FRAS1: variants seen among roughly 807,000 people sequenced by gnomAD.
FRAS1 encodes extracellular matrix organizing protein FRAS1.
In FRAS1, 290 loss-of-function variants were observed where a neutral mutation model predicts 435.2. The ratio of observed to expected loss-of-function variants is 0.67; its 90% CI spans 0.61 to 0.73. The LOEUF (loss-of-function observed/expected upper bound fraction) is 0.73. Among genes scored for constraint, FRAS1 ranks in the 30% least tolerant of loss-of-function variants. The pLI, the probability that FRAS1 is intolerant of heterozygous loss-of-function variation, is 0.00. For missense variants in FRAS1, 4,860 were observed against 5,001.5 expected (o/e 0.97, Z 0.85); for synonymous variants, 1,800 against 1,851.0 (o/e 0.97, Z 0.71).
intron 2 of FRAS1, among the ~76,000 whole-genome samples, chr4:78,147,660 C>A (rs1202111153): frequency 1.3e-5 from 2 of 152,132 alleles, no homozygotes; most frequent in Non-Finnish European, 2.9e-5. Flanking sequence ...CACTTTCTAG[C>A]TATGTTTTCT....
chr4:78,254,387 A>G (rs999105433), intron 5 of FRAS1, among the ~76,000 whole-genome samples: 11 of 152,144 alleles, frequency 7.2e-5, no homozygotes, highest in Admixed American at 3.3e-4. Flanking sequence ...GCAATCCTTT[A>G]TTTACACTGG....
At position 78,237,549 on chromosome 4, in the gene FRAS1, C is replaced by T. The variant is rs748957049; in HGVS notation, c.148C>T (p.Arg50Cys). ...IWKPDSCQSC[R>C]CHGDIVICKP... ...GAAGCCCGATTCATGCCAGAGCTGCCGTTGCCATGGTGATATTGTTATCTG... is the reference window on the plus strand; with the variant it reads ...GAAGCCCGATTCATGCCAGAGCTGCTGTTGCCATGGTGATATTGTTATCTG... The change falls in exon 3 of 74, where the codon CGT (arginine) becomes TGT (cysteine). Residue 50 changes from arginine to cysteine, a missense_variant. Transcript: ENST00000512123. 1.4e-5 allele frequency: 23 copies of T among 1,613,118 alleles called. No homozygotes were observed. Among genetic ancestry groups the T allele is most frequent in the East Asian group, 6.7e-5 (3 of 44,854 alleles).
At chr4:78,406,127 C>T (rs574992336) in intron 30 of FRAS1, among the ~76,000 whole-genome samples, 1 of 152,256 alleles carries the variant, frequency 6.6e-6, no homozygotes, top group South Asian at 2.1e-4. Context: ...GGTACATGTT[C>T]ACAAAATAAT....
intron 2 of FRAS1, among the ~76,000 whole-genome samples, chr4:78,173,349 G>A (rs1168539182): frequency 6.6e-6 from 1 of 152,166 alleles, no homozygotes; most frequent in Non-Finnish European, 1.5e-5. Context: ...TGAAACATTG[G>A]GATCTATCCT....
At chr4:78,439,169 C>G (rs1437443869) in intron 40 of FRAS1, 105 bp downstream of exon 40, 1 of 920,110 alleles carries the variant, frequency 1.1e-6, no homozygotes, top group Non-Finnish European at 1.7e-6. Flanking sequence ...AATATTTCCC[C>G]CAAAATATCC....
intron 60 of FRAS1, 112 bp from the exon 61 acceptor site, chr4:78,499,609 C>G: frequency 4.0e-6 from 4 of 992,672 alleles, no homozygotes; most frequent in Non-Finnish European, 6.0e-6. Flanking sequence ...TGCCTTCATA[C>G]TGTTAACTAA....
intron 15 of FRAS1, among the ~76,000 whole-genome samples, chr4:78,312,839 G>GA (rs1465231700): frequency 8.2e-6 from 1 of 121,246 alleles, no homozygotes; most frequent in Non-Finnish European, 1.7e-5. Context: ...CTGAAAGAAA[G>GA]AAAAAGAAAG....
At chr4:78,391,641 T>C (rs148559689) in intron 29 of FRAS1, among the ~76,000 whole-genome samples, 1,970 of 152,310 alleles carry the variant, frequency 0.013, 36 homozygotes, top group Admixed American at 0.057. Context: ...CTTTCTGAAC[T>C]TCTTTGTTAC....
In FRAS1 at chr4:78,363,536, T is replaced by C; in HGVS notation, c.2446T>C (p.Cys816Arg). 6.2e-7 allele frequency: 1 copy of C among 1,613,400 alleles called. No homozygotes were observed. The highest frequency in any genetic ancestry group is 8.5e-7 in the Non-Finnish European group (1 of 1,179,646). ...AGACTGCCATCACCTGTGCCAGCAC[T>C]GTGCAGCTGATCTCCACAACACTGG... ...CADCHHLCQH[C>R]AADLHNTGSI... The change falls in exon 21 of 74, where the codon TGT becomes CGT. Residue 816 changes from cysteine to arginine, a missense_variant. Physicochemically the swap from Cys to Arg is radical, Grantham distance 180. Transcript: ENST00000512123.
chr4:78,248,244 T>G (rs1159504662), intron 4 of FRAS1, among the ~76,000 whole-genome samples: 2 of 152,358 alleles, frequency 1.3e-5, no homozygotes, highest in East Asian at 3.9e-4. Context: ...AAAGCTATAC[T>G]TTGAAATTAA....
At chr4:78,161,357 C>T (rs1032951667) in intron 2 of FRAS1, among the ~76,000 whole-genome samples, 4 of 151,924 alleles carry the variant, frequency 2.6e-5, no homozygotes, top group African/African-American at 9.7e-5. Context: ...ATGGTAAAGA[C>T]GTCGGGTTTG....
At chr4:78,289,111 T>C (rs1419659751) in intron 14 of FRAS1, among the ~76,000 whole-genome samples, 1 of 152,100 alleles carries the variant, frequency 6.6e-6, no homozygotes, top group Non-Finnish European at 1.5e-5. Flanking sequence ...CTATGTTGAA[T>C]AAAGGGCAGA....
In FRAS1 at chr4:78,266,948, G is replaced by A. The variant is rs1726389433; in HGVS notation, c.789+13G>A. The stretch of plus-strand genomic sequence containing the variant: ...GAGATGCGGAAAGGTATTTGAGAGT[G>A]TGTACCTTACTTGTTTAAGCTCTTT... On this transcript the variant is annotated intron_variant, in intron 8 of 73. Coordinates refer to ENST00000512123, the MANE Select transcript of FRAS1 (RefSeq NM_025074.7). 6.4e-7 allele frequency: 1 copy of A among 1,552,280 alleles called. No individual in the cohort carries two copies. Among genetic ancestry groups the A allele is most frequent in the Non-Finnish European group, 8.8e-7 (1 of 1,133,258 alleles).
Position 78,511,277 on chromosome 4 carries a change from C to A in FRAS1, c.9784C>A (p.Leu3262Met). ...TPFTSVNHMV[L>M]DSIYFSRRFH... is the part of the protein sequence containing the mutation. ...GGTGATTTTTTCTTCCTGTTAGGTC[C>A]TGGACAGCATTTACTTCAGCCGGAG... Residue 3262 changes from leucine to methionine, a missense_variant, in exon 64 of 74, where the codon CTG becomes ATG. Transcript: ENST00000512123. 6.3e-7 allele frequency: 1 copy of A among 1,594,120 alleles called. No homozygotes were observed. The highest frequency in any genetic ancestry group is 1.1e-5 in the South Asian group (1 of 88,920).
intron 2 of FRAS1, among the ~76,000 whole-genome samples, chr4:78,122,523 C>T (rs1397409165): frequency 6.6e-6 from 1 of 152,140 alleles, no homozygotes; most frequent in East Asian, 1.9e-4. Flanking sequence ...AATGGTATTT[C>T]TAGTTCTAGA....
At chr4:78,377,503 G>A (rs1731818937) in intron 26 of FRAS1, among the ~76,000 whole-genome samples, 1 of 152,158 alleles carries the variant, frequency 6.6e-6, no homozygotes, top group South Asian at 2.1e-4. Context: ...CTAAAGTCCA[G>A]GCAAAAACAA....
intron 2 of FRAS1, among the ~76,000 whole-genome samples, chr4:78,132,292 T>G (rs1719719776): frequency 6.6e-6 from 1 of 152,180 alleles, no homozygotes; most frequent in Admixed American, 6.5e-5. Flanking sequence ...AGAATTAGCT[T>G]AGTGTTTATA....
intron 61 of FRAS1, among the ~76,000 whole-genome samples, chr4:78,500,862 G>A (rs1295182821): frequency 6.6e-6 from 1 of 152,120 alleles, no homozygotes; most frequent in African/African-American, 2.4e-5. Context: ...GGAAAGGATA[G>A]GTCTAGAAGG....
At chr4:78,174,009 A>T (rs1721661414) in intron 2 of FRAS1, among the ~76,000 whole-genome samples, 1 of 152,208 alleles carries the variant, frequency 6.6e-6, no homozygotes, top group Admixed American at 6.5e-5. Context: ...CTACGTGACT[A>T]ACTCTTGATT....
Sources: gnomAD v4.1 joint callset for allele counts (sites outside exome capture counted in the v4.1 genomes callset) on GRCh38, gnomAD v4.1.1 for gene constraint, MANE v1.5 for transcripts, NCBI Gene and HGNC (gene_info 2026-07-23, HGNC 2026-07-21) for gene names.